SPAG16: variants seen among roughly 807,000 people sequenced by gnomAD.
SPAG16 encodes the protein sperm-associated antigen 16 protein.
Under a neutral mutation model 80.4 loss-of-function variants are expected in SPAG16, and 86 were observed. That is an observed-to-expected ratio of 1.07 (90% CI 0.90 to 1.28). SPAG16 has a LOEUF of 1.28. Among genes scored for constraint, SPAG16 ranks in the 50% most tolerant of loss-of-function variants. The pLI is 0.00. For missense variants in SPAG16, 870 were observed against 765.3 expected (o/e 1.14, Z -1.61); for synonymous variants, 294 against 265.9 (o/e 1.11, Z -1.03).
intron 15 of SPAG16, among the ~76,000 whole-genome samples, chr2:214,171,399 G>A (rs2056863460): frequency 6.6e-6 from 1 of 151,784 alleles, no homozygotes; most frequent in Admixed American, 6.6e-5. Context: ...TTGTTTTGTT[G>A]CACTTTGCTG....
chr2:213,358,705 G>T (rs1304992986), intron 7 of SPAG16, among the ~76,000 whole-genome samples: 1 of 152,048 alleles, frequency 6.6e-6, no homozygotes. Context: ...GTTAGACCAC[G>T]CTCCTTTAGC....
intron 10 of SPAG16, among the ~76,000 whole-genome samples, chr2:213,848,664 T>G (rs116566888): frequency 6.6e-6 from 1 of 152,192 alleles, no homozygotes; most frequent in African/African-American, 2.4e-5. Flanking sequence ...TCAAAGCGTT[T>G]TTATAATGCC....
intron 9 of SPAG16, among the ~76,000 whole-genome samples, chr2:213,469,915 T>G (rs1444647098): frequency 6.6e-6 from 1 of 152,124 alleles, no homozygotes; most frequent in Non-Finnish European, 1.5e-5. Flanking sequence ...TGAATCATTG[T>G]TGTGTCTCCT....
intron 10 of SPAG16, among the ~76,000 whole-genome samples, chr2:213,732,346 A>AG (rs1382471109): frequency 6.6e-6 from 1 of 151,482 alleles, no homozygotes; most frequent in Non-Finnish European, 1.5e-5. Context: ...CCCGCAAAAA[A>AG]AATGCCCAGG....
At chr2:213,407,649 CAGGAGAG>C (rs2068704369) in intron 9 of SPAG16, among the ~76,000 whole-genome samples, 1 of 82,020 alleles carries the variant, frequency 1.2e-5, no homozygotes, top group Admixed American at 1.3e-4. Flanking sequence ...GACAGACAGA[CAGGAGAG>C]AGAGAGGGGG....
intron 15 of SPAG16, among the ~76,000 whole-genome samples, chr2:214,150,102 A>T (rs1360797604): frequency 2.6e-5 from 4 of 152,068 alleles, no homozygotes; most frequent in African/African-American, 9.7e-5. Context: ...CAAAAACTTG[A>T]TTTTAGGTGA....
At chr2:213,430,658 T>G (rs2070235079) in intron 9 of SPAG16, among the ~76,000 whole-genome samples, 4 of 152,134 alleles carry the variant, frequency 2.6e-5, no homozygotes, top group Admixed American at 1.3e-4. Flanking sequence ...AAAACCTATT[T>G]AAGGAAGTAA....
chr2:213,782,735 C>A (rs1442679153), intron 10 of SPAG16, among the ~76,000 whole-genome samples: 1 of 152,168 alleles, frequency 6.6e-6, no homozygotes, highest in East Asian at 1.9e-4. Flanking sequence ...AGGGAACTGG[C>A]AGTGGGACAT....
chr2:213,593,746 C>CTTTTTTTTTTT lies in SPAG16; in HGVS notation c.1070+103692_1070+103702dup, dbSNP rs541949006. On this transcript the variant is annotated intron_variant, in intron 10 of 15. Coordinates refer to ENST00000331683, the MANE Select transcript of SPAG16 (RefSeq NM_024532.5). ...TCATACCCCATCATCCCCACCACATCTTTTTTTTTTTTTTTTTTTTTTTTT... is the reference window on the plus strand; with the variant it reads ...TCATACCCCATCATCCCCACCACATCTTTTTTTTTTTTTTTTTTTTTTTTTTTTTTTTTTTT... 1.0e-4 allele frequency among the ~76,000 whole-genome samples: 5 copies of CTTTTTTTTTTT among 50,190 alleles called. 1 individual carries two copies. Among genetic ancestry groups the CTTTTTTTTTTT allele is most frequent in the Non-Finnish European group, 1.5e-4 (3 of 19,824 alleles). 32.9% of individuals were successfully genotyped at this position (50,190 alleles called of 152,430 possible).
chr2:213,977,818 A>AT lies in SPAG16; in HGVS notation c.1401-36132dup, dbSNP rs2045497898. Among the ~76,000 whole-genome samples the AT allele has an allele frequency of 2.0e-5, 3 of 152,198 alleles. No individual in the cohort carries two copies. In the South Asian group the frequency reaches 6.2e-4, roughly 32 times the overall value. On this transcript the variant is annotated intron_variant, in intron 12 of 15. Transcript: ENST00000331683. The stretch of plus-strand genomic sequence containing the variant: ...AATTAAAACTGGCGATTCTGGTGAC[A>AT]TAATCTGCATACAACTTTGTAGATC...
intron 15 of SPAG16, among the ~76,000 whole-genome samples, chr2:214,406,224 C>T (rs1340107070): frequency 1.3e-5 from 2 of 152,122 alleles, no homozygotes; most frequent in Non-Finnish European, 2.9e-5. Flanking sequence ...TCTAGGTGTA[C>T]ACTGTCAAAA....
rs554180023 is a variant in SPAG16, at chr2:213,613,282, G to C, written c.1070+123192G>C. ...TATATGGAGATCATTGTACTCCTTG[G>C]CTCACAAAACTCATTGGCTCTTTAT... On this transcript the variant is annotated intron_variant, in intron 10 of 15. Coordinates refer to ENST00000331683, the MANE Select transcript of SPAG16 (RefSeq NM_024532.5). 5.3e-5 allele frequency among the ~76,000 whole-genome samples: 8 copies of C among 152,158 alleles called. No individual in the cohort carries two copies. In the East Asian group the frequency reaches 1.4e-3, roughly 26 times the overall value.
chr2:214,068,882 A>G (rs903967606), intron 13 of SPAG16, among the ~76,000 whole-genome samples: 1 of 152,128 alleles, frequency 6.6e-6, no homozygotes, highest in Admixed American at 6.6e-5. Flanking sequence ...CACCTTATCC[A>G]TTAAACTATG....
intron 10 of SPAG16, among the ~76,000 whole-genome samples, chr2:213,615,775 G>T (rs544543189): frequency 2.7e-4 from 41 of 152,222 alleles, no homozygotes; most frequent in African/African-American, 9.2e-4. Flanking sequence ...CATTAAACAA[G>T]AATGCAGGAC....
At chr2:214,195,168 C>T (rs1358709794) in intron 15 of SPAG16, among the ~76,000 whole-genome samples, 1 of 151,894 alleles carries the variant, frequency 6.6e-6, no homozygotes, top group Non-Finnish European at 1.5e-5. Context: ...CACTTCCAGG[C>T]ACAAGGAATG....
chr2:214,013,561 T>C (rs1268915389), intron 12 of SPAG16, among the ~76,000 whole-genome samples: 1 of 152,136 alleles, frequency 6.6e-6, no homozygotes, highest in Non-Finnish European at 1.5e-5. Context: ...TATAACCAAG[T>C]CGGAGAAGCA....
chr2:214,223,197 C>A (rs2058622801), intron 15 of SPAG16, among the ~76,000 whole-genome samples: 1 of 151,952 alleles, frequency 6.6e-6, no homozygotes, highest in African/African-American at 2.4e-5. Flanking sequence ...TATGTTAAGT[C>A]TTAATTCAAA....
chr2:213,550,587 CTTT>C (rs1475322729), intron 10 of SPAG16, among the ~76,000 whole-genome samples: 5 of 152,160 alleles, frequency 3.3e-5, no homozygotes, highest in African/African-American at 1.2e-4. Context: ...CTCAAGTATA[CTTT>C]TTTATCTCTC....
chr2:213,307,785 A>G (rs2063013115), intron 3 of SPAG16, among the ~76,000 whole-genome samples: 1 of 152,054 alleles, frequency 6.6e-6, no homozygotes, highest in South Asian at 2.1e-4. Flanking sequence ...TGGTTGAAGT[A>G]GTTTACAGTC....
Sources: gnomAD v4.1 joint callset for allele counts (sites outside exome capture counted in the v4.1 genomes callset) on GRCh38, gnomAD v4.1.1 for gene constraint, MANE v1.5 for transcripts, NCBI Gene and HGNC (gene_info 2026-07-23, HGNC 2026-07-21) for gene names.